The following ZFAND2A variants were observed in gnomAD, a reference collection of about 807,000 sequenced individuals.
ZFAND2A encodes AN1-type zinc finger protein 2A.
Under a neutral mutation model 11.6 loss-of-function variants are expected in ZFAND2A, and 20 were observed. That is an observed-to-expected ratio of 1.72 (90% CI 1.21 to 2.50). ZFAND2A has a LOEUF of 2.50. Among genes scored for constraint, ZFAND2A ranks in the 30% most tolerant of loss-of-function variants. The pLI is 0.00. For missense variants in ZFAND2A, 234 were observed against 182.9 expected (o/e 1.28, Z -1.61); for synonymous variants, 93 against 60.6 (o/e 1.54, Z -2.48).
chr7:1,154,427 C>A (rs1793473789), intron 4 of ZFAND2A, among the ~76,000 whole-genome samples: 1 of 152,200 alleles, frequency 6.6e-6, no homozygotes, highest in Non-Finnish European at 1.5e-5. Context: ...GGGCCAGGAG[C>A]AGCCGGGAGG....
At chr7:1,150,361 T>C (rs1029915839), downstream of ZFAND2A, among the ~76,000 whole-genome samples, 1 of 151,680 alleles carries the variant, frequency 6.6e-6, no homozygotes, top group Non-Finnish European at 1.5e-5. Flanking sequence ...TTGTGAACTG[T>C]CTCAGCGGGA....
chr7:1,156,780 A>G (rs538432452), intron 3 of ZFAND2A, among the ~76,000 whole-genome samples: 6 of 152,358 alleles, frequency 3.9e-5, no homozygotes, highest in Admixed American at 1.3e-4. Context: ...GTGCTTCCTC[A>G]TTTGGTCAAA....
At chr7:1,155,657 T>TCC in intron 3 of ZFAND2A, 73 bp from the exon 4 acceptor site, 3 of 1,562,118 alleles carry the variant, frequency 1.9e-6, no homozygotes, top group Non-Finnish European at 2.6e-6. Context: ...AAACGAGTAC[T>TCC]CCTGTGCGGC....
downstream of ZFAND2A, among the ~76,000 whole-genome samples, chr7:1,149,399 CAGG>C (rs1554344081): frequency 6.6e-6 from 1 of 152,242 alleles, no homozygotes; most frequent in Non-Finnish European, 1.5e-5. Context: ...CGGGCAGCTC[CAGG>C]TGTAAACCTG....
intron 3 of ZFAND2A, 124 bp from the exon 4 acceptor site, chr7:1,155,708 G>GGAGCTCATCA: frequency 7.8e-7 from 1 of 1,288,048 alleles, no homozygotes; most frequent in Admixed American, 2.5e-5. Flanking sequence ...GGTCTCCCGA[G>GGAGCTCATCA]CCCTCCGAGA....
downstream of ZFAND2A, among the ~76,000 whole-genome samples, chr7:1,151,758 C>CT (rs201084848): frequency 1.3e-4 from 3 of 23,954 alleles, no homozygotes; most frequent in East Asian, 4.4e-4. Context: ...GACTTCATCC[C>CT]TTTTAAAAAA....
At chr7:1,149,297 G>A (rs77985829), downstream of ZFAND2A, among the ~76,000 whole-genome samples, 3,992 of 152,268 alleles carry the variant, frequency 0.026, 77 homozygotes, top group African/African-American at 0.049. Context: ...TGCTGGCTGC[G>A]TTTTCCTTGC....
chr7:1,155,654 T>C, intron 3 of ZFAND2A, 70 bp from the exon 4 acceptor site: 2 of 1,573,112 alleles, frequency 1.3e-6, no homozygotes, highest in African/African-American at 1.4e-5. Context: ...TTTAAACGAG[T>C]ACTCCTGTGC....
chr7:1,152,119 T>C, downstream of ZFAND2A: 1 of 1,258,582 alleles, frequency 7.9e-7, no homozygotes, highest in Non-Finnish European at 1.1e-6. Flanking sequence ...GTGTCCTTCA[T>C]CCATCCTGAC....
chr7:1,150,343 TTG>T (rs150904048), downstream of ZFAND2A, among the ~76,000 whole-genome samples: 4,755 of 151,388 alleles, frequency 0.031, 141 homozygotes, highest in East Asian at 0.17. Context: ...AGGCAGTGGC[TTG>T]TGTTTTTGTG....
intron 1 of ZFAND2A, 67 bp downstream of exon 1, chr7:1,159,896 CG>C (rs1344069739): frequency 5.6e-5 from 10 of 177,704 alleles, no homozygotes; most frequent in Non-Finnish European, 1.1e-4. Context: ...GCCGAACCCC[CG>C]AGCAACCTGA....
intron 1 of ZFAND2A, among the ~76,000 whole-genome samples, chr7:1,159,241 A>G (rs6964037): frequency 0.12 from 17,717 of 152,154 alleles, 1,821 homozygotes; most frequent in African/African-American, 0.28. Flanking sequence ...GTTTTGTTCA[A>G]GGAATTCACA....
downstream of ZFAND2A, among the ~76,000 whole-genome samples, chr7:1,150,114 A>C (rs1793370892): frequency 1.3e-5 from 2 of 152,046 alleles, no homozygotes; most frequent in South Asian, 4.1e-4. Flanking sequence ...CAATATGTAC[A>C]ATTATGTCAA....
chr7:1,158,647 A>T (rs1329015490), intron 1 of ZFAND2A, among the ~76,000 whole-genome samples: 1 of 152,040 alleles, frequency 6.6e-6, no homozygotes, highest in Non-Finnish European at 1.5e-5. Context: ...ACATCAGTTG[A>T]CTCCATTATC....
chr7:1,152,224 A>C, downstream of ZFAND2A: 1 of 1,552,558 alleles, frequency 6.4e-7, no homozygotes, highest in Non-Finnish European at 8.7e-7. Flanking sequence ...CCCCACACAG[A>C]CGAAATTGCG....
intron 4 of ZFAND2A, among the ~76,000 whole-genome samples, chr7:1,154,513 G>A (rs909664241): frequency 7.9e-5 from 12 of 152,160 alleles, no homozygotes; most frequent in African/African-American, 2.7e-4. Context: ...TGGAAGAAGC[G>A]GGTGTGCCAG....
intron 3 of ZFAND2A, 89 bp downstream of exon 3, chr7:1,157,567 G>A (rs1392865527): frequency 1.5e-5 from 19 of 1,257,504 alleles, no homozygotes; most frequent in Non-Finnish European, 2.1e-5. Flanking sequence ...CAATGAGTTA[G>A]CCATACGTCG....
intron 4 of ZFAND2A, among the ~76,000 whole-genome samples, chr7:1,153,949 GA>G (rs959674984): frequency 4.1e-5 from 6 of 145,258 alleles, no homozygotes; most frequent in African/African-American, 1.5e-4. Flanking sequence ...CCTTTAAAAA[GA>G]AAGAAAAAAA....
At chr7:1,149,021 C>A (rs1325888892), downstream of ZFAND2A, among the ~76,000 whole-genome samples, 1 of 151,850 alleles carries the variant, frequency 6.6e-6, no homozygotes, top group African/African-American at 2.4e-5. Flanking sequence ...CTATCTCAAA[C>A]ATCTGGGCTC....
Sources: allele counts gnomAD v4.1 joint callset (sites outside exome capture counted in the v4.1 genomes callset), GRCh38; gene constraint gnomAD v4.1.1; transcripts MANE v1.5; gene names NCBI Gene and HGNC (gene_info 2026-07-23, HGNC 2026-07-21).